ZNF609: variants seen among roughly 807,000 people sequenced by gnomAD.
ZNF609 encodes zinc finger protein 609.
A neutral mutation model predicts 109.5 loss-of-function variants in ZNF609; 11 were observed. That is an observed-to-expected ratio of 0.10 (90% CI 0.06 to 0.17). ZNF609 has a LOEUF of 0.17. ZNF609 is among the 10% of genes least tolerant of loss of function. The pLI is 1.00. For missense variants in ZNF609, 1,559 were observed against 1,772.4 expected, an observed-to-expected ratio of 0.88 and a Z score of 2.16; for synonymous variants, 646 against 662.0, an observed-to-expected ratio of 0.98 and a Z score of 0.37.
In ZNF609 at chr15:64,670,450, AT is replaced by A; in HGVS notation, c.1061+20del. The A allele has an allele frequency of 6.2e-7, 1 of 1,604,276 alleles. No individual in the cohort carries two copies. Among genetic ancestry groups the A allele is most frequent in the Non-Finnish European group, 8.5e-7 (1 of 1,170,866 alleles). On this transcript the variant is annotated intron_variant, in intron 4 of 9. Transcript: ENST00000326648. ...ACCCCCAAGGTAAGCACTTACAGCT[AT>A]TTAGTTTATATTATTCTGAACCACA...
At chr15:64,463,072 A>G (rs1892964981) in intron 1 of ZNF609, among the ~76,000 whole-genome samples, 1 of 152,128 alleles carries the variant, frequency 6.6e-6, no homozygotes, top group Admixed American at 6.6e-5. Flanking sequence ...TGGGCAACAT[A>G]GTGAGAACTC....
intron 2 of ZNF609, chr15:64,501,914 A>T (rs1893567480): frequency 6.6e-6 from 1 of 152,234 alleles, no homozygotes; most frequent in African/African-American, 2.4e-5. Context: ...ATTTTCTCAC[A>T]TAGAGGTGCA....
chr15:64,625,914 AATAT>A (rs1330194907), intron 3 of ZNF609, among the ~76,000 whole-genome samples: 151 of 103,012 alleles, frequency 1.5e-3, no homozygotes, highest in African/African-American at 1.8e-3. Context: ...AAAAAAAAAA[AATAT>A]ATATATATAT....
At chr15:64,655,567 CTG>C (rs2141000799) in intron 3 of ZNF609, among the ~76,000 whole-genome samples, 1 of 152,332 alleles carries the variant, frequency 6.6e-6, no homozygotes, top group East Asian at 1.9e-4. Flanking sequence ...TGGCTCACGC[CTG>C]TAATCCCAGC....
At chr15:64,490,055 C>T (rs1347515871) in intron 1 of ZNF609, among the ~76,000 whole-genome samples, 2 of 152,078 alleles carry the variant, frequency 1.3e-5, no homozygotes, top group African/African-American at 2.4e-5. Context: ...ACCTCTTGGG[C>T]TCAACAGATA....
intron 2 of ZNF609, among the ~76,000 whole-genome samples, chr15:64,532,536 A>C (rs1291033284): frequency 6.6e-6 from 1 of 152,190 alleles, no homozygotes; most frequent in East Asian, 1.9e-4. Context: ...GATTTATGAA[A>C]TGCTGGTTTT....
chr15:64,658,385 T>C (rs929175893), intron 3 of ZNF609, among the ~76,000 whole-genome samples: 1 of 152,078 alleles, frequency 6.6e-6, no homozygotes, highest in African/African-American at 2.4e-5. Flanking sequence ...TTAATAGATA[T>C]GGGGTTTCCC....
intron 2 of ZNF609, among the ~76,000 whole-genome samples, chr15:64,599,635 A>T (rs142492142): frequency 6.6e-6 from 1 of 151,638 alleles, no homozygotes; most frequent in African/African-American, 2.4e-5. Context: ...CTCCTTTTCA[A>T]TCTCTCTAGT....
intron 3 of ZNF609, among the ~76,000 whole-genome samples, chr15:64,624,437 C>CT: frequency 6.6e-6 from 1 of 152,222 alleles, no homozygotes; most frequent in Admixed American, 6.5e-5. Context: ...CACCAAGCAA[C>CT]CTTCAAGGCC....
intron 3 of ZNF609, among the ~76,000 whole-genome samples, chr15:64,654,558 C>G (rs530313231): frequency 4.3e-4 from 65 of 152,258 alleles, no homozygotes; most frequent in African/African-American, 1.5e-3. Context: ...ATCTCTTCCT[C>G]CCAAAGTACT....
intron 2 of ZNF609, among the ~76,000 whole-genome samples, chr15:64,578,115 T>C (rs1430836245): frequency 6.6e-6 from 1 of 152,058 alleles, no homozygotes; most frequent in South Asian, 2.1e-4. Context: ...ATTGATAGAT[T>C]TTTACTAAAT....
At chr15:64,601,147 T>C (rs550076750) in intron 2 of ZNF609, among the ~76,000 whole-genome samples, 1 of 152,326 alleles carries the variant, frequency 6.6e-6, no homozygotes, top group South Asian at 2.1e-4. Context: ...TAATTTTTTA[T>C]GTAAAATAAT....
intron 1 of ZNF609, among the ~76,000 whole-genome samples, chr15:64,490,035 T>G (rs1035608980): frequency 1.3e-5 from 2 of 152,202 alleles, no homozygotes; most frequent in African/African-American, 4.8e-5. Context: ...CACAGCTCAC[T>G]GCAGCCTCAA....
At chr15:64,577,536 CAT>C (rs1233238645) in intron 2 of ZNF609, among the ~76,000 whole-genome samples, 494 of 40,054 alleles carry the variant, frequency 0.012, 6 homozygotes, top group South Asian at 0.035. Context: ...TAAATATATA[CAT>C]ATATATGTAT....
chr15:64,478,533 G>A (rs1893204355), intron 1 of ZNF609, among the ~76,000 whole-genome samples: 1 of 151,988 alleles, frequency 6.6e-6, no homozygotes. Flanking sequence ...ACCAAGCCCG[G>A]CTAATTTTTG....
chr15:64,558,446 A>T (rs908970443), intron 2 of ZNF609, among the ~76,000 whole-genome samples: 7 of 152,216 alleles, frequency 4.6e-5, no homozygotes, highest in Non-Finnish European at 8.8e-5. Flanking sequence ...GAATACTCTT[A>T]AAATAATGCT....
intron 3 of ZNF609, among the ~76,000 whole-genome samples, chr15:64,645,065 CTT>C: frequency 8.2e-6 from 1 of 122,348 alleles, no homozygotes. Flanking sequence ...TTCTTCCTTC[CTT>C]CCTTCCTTCC....
intron 3 of ZNF609, among the ~76,000 whole-genome samples, chr15:64,656,330 C>T (rs1567040727): frequency 6.6e-6 from 1 of 152,064 alleles, no homozygotes; most frequent in African/African-American, 2.4e-5. Context: ...TTCCAATGTG[C>T]GGGATTACAG....
At chr15:64,542,136 C>CA (rs1378659767) in intron 2 of ZNF609, among the ~76,000 whole-genome samples, 4 of 152,064 alleles carry the variant, frequency 2.6e-5, no homozygotes, top group Non-Finnish European at 5.9e-5. Context: ...CACACACACA[C>CA]AGACAGAGTA....
Sources: allele counts gnomAD v4.1 joint callset (sites outside exome capture counted in the v4.1 genomes callset), GRCh38; gene constraint gnomAD v4.1.1; transcripts MANE v1.5; gene names NCBI Gene and HGNC (gene_info 2026-07-23, HGNC 2026-07-21).